The following SIGLECL1 variants were observed in gnomAD, a reference collection of about 807,000 sequenced individuals.
SIGLECL1 encodes the protein SIGLEC family like 1.
Under a neutral mutation model 19.1 loss-of-function variants are expected in SIGLECL1, and 16 were observed. The observed-to-expected ratio is 0.84, with a 90% confidence interval of 0.57 to 1.27. The LOEUF is 1.27. Among genes scored for constraint, SIGLECL1 ranks in the 50% most tolerant of loss-of-function variants. The pLI is 0.00. For synonymous variants in SIGLECL1, 89 were observed against 90.4 expected (o/e 0.98, Z 0.09); for missense variants, 210 against 239.4 (o/e 0.88, Z 0.81).
chr19:51,266,583 AC>A (rs1292944049), intron 4 of SIGLECL1, among the ~76,000 whole-genome samples: 1 of 152,072 alleles, frequency 6.6e-6, no homozygotes, highest in Non-Finnish European at 1.5e-5. Context: ...GGGATATCTA[AC>A]CTTTGTATGC....
chr19:51,266,855 T>C (rs969094204), intron 4 of SIGLECL1, among the ~76,000 whole-genome samples: 41 of 151,838 alleles, frequency 2.7e-4, no homozygotes, highest in Admixed American at 2.2e-3. Context: ...CATGGAAGAG[T>C]GCTAAGCTGT....
chr19:51,265,891 T>C lies in SIGLECL1; in HGVS notation c.410+9T>C, dbSNP rs10410689. On this transcript the variant is annotated intron_variant, in intron 4 of 5. Coordinates refer to ENST00000601727, the MANE Select transcript of SIGLECL1 (RefSeq NM_001385465.1). ...TGCCTCCTCCCTCTCATGTGAGTAC[T>C]AGGGTTAATATTCACCCGCAAGCCT... The C allele has an allele frequency of 0.12, 195,371 of 1,613,218 alleles. 20,861 individuals carry two copies. Among genetic ancestry groups the C allele is most frequent in the Admixed American group, 0.44 (26,216 of 59,974 alleles).
chr19:51,250,041 C>G (rs1290890165), upstream of SIGLECL1, among the ~76,000 whole-genome samples: 1 of 151,558 alleles, frequency 6.6e-6, no homozygotes, highest in African/African-American at 2.4e-5. Context: ...TACCAGAGGT[C>G]ACTCTCATTG....
chr19:51,254,129 G>C (rs1251056305), intron 1 of SIGLECL1, among the ~76,000 whole-genome samples: 1 of 151,972 alleles, frequency 6.6e-6, no homozygotes, highest in East Asian at 1.9e-4. Context: ...AACCAGCCTG[G>C]GCAATATAGC....
At chr19:51,252,662 A>AC (rs1982564684) in intron 1 of SIGLECL1, among the ~76,000 whole-genome samples, 1 of 152,182 alleles carries the variant, frequency 6.6e-6, no homozygotes, top group African/African-American at 2.4e-5. Context: ...AACGACCTGG[A>AC]AACTTGGGCG....
upstream of SIGLECL1, among the ~76,000 whole-genome samples, chr19:51,248,880 TC>T: frequency 6.6e-6 from 1 of 152,324 alleles, no homozygotes; most frequent in Admixed American, 6.5e-5. Flanking sequence ...GTTTCATTTT[TC>T]TAGGATATGA....
chr19:51,253,847 T>C (rs763897731), intron 1 of SIGLECL1, among the ~76,000 whole-genome samples: 4 of 152,164 alleles, frequency 2.6e-5, no homozygotes, highest in Non-Finnish European at 5.9e-5. Flanking sequence ...ATAGTACTTT[T>C]GTGGATCTCT....
chr19:51,250,890 C>T (rs1249693792), upstream of SIGLECL1, among the ~76,000 whole-genome samples: 1 of 152,220 alleles, frequency 6.6e-6, no homozygotes, highest in East Asian at 1.9e-4. Flanking sequence ...CACAATGCTT[C>T]TGCTTCATTG....
At chr19:51,254,011 G>T (rs952913022) in intron 1 of SIGLECL1, among the ~76,000 whole-genome samples, 1 of 152,184 alleles carries the variant, frequency 6.6e-6, no homozygotes, top group Non-Finnish European at 1.5e-5. Context: ...GTCATGGCAT[G>T]ATTCAGTCAT....
chr19:51,252,809 G>A (rs1419302976), intron 1 of SIGLECL1, among the ~76,000 whole-genome samples: 1 of 152,124 alleles, frequency 6.6e-6, no homozygotes, highest in Non-Finnish European at 1.5e-5. Context: ...CCAGAACTCT[G>A]GGAAGGGATT....
intron 5 of SIGLECL1, among the ~76,000 whole-genome samples, chr19:51,268,233 G>A (rs765720529): frequency 2.0e-5 from 3 of 152,146 alleles, no homozygotes; most frequent in Non-Finnish European, 2.9e-5. Flanking sequence ...TAGACTGGTC[G>A]AGAAGGCACC....
chr19:51,264,233 G>A, intron 2 of SIGLECL1, 139 bp downstream of exon 2: 1 of 895,894 alleles, frequency 1.1e-6, no homozygotes, highest in Non-Finnish European at 1.7e-6. Flanking sequence ...TAATCAACAT[G>A]AATTAGACAG....
chr19:51,258,044 C>A (rs182611409), intron 1 of SIGLECL1: 2 of 152,336 alleles, frequency 1.3e-5, no homozygotes, highest in Middle Eastern at 3.4e-3. Context: ...TGTATGTCTT[C>A]CCTTGGCTGA....
chr19:51,259,690 A>G (rs1237370647), intron 1 of SIGLECL1, among the ~76,000 whole-genome samples: 1 of 152,220 alleles, frequency 6.6e-6, no homozygotes, highest in East Asian at 1.9e-4. Context: ...GTCATGTTGG[A>G]AAAACACTGT....
upstream of SIGLECL1, chr19:51,250,985 A>T (rs139501010): frequency 6.6e-6 from 1 of 152,298 alleles, no homozygotes; most frequent in East Asian, 1.9e-4. Context: ...ACATAAGCCC[A>T]TGCAGCCTCT....
chr19:51,268,983 G>T lies in SIGLECL1; in HGVS notation c.*386G>T, dbSNP rs1217732358. The T allele has an allele frequency of 2.2e-5, 4 of 183,104 alleles. No homozygotes were observed. The highest frequency in any genetic ancestry group is 4.6e-5 in the Non-Finnish European group (4 of 87,020). 11.3% of individuals were successfully genotyped at this position (183,104 alleles called of 1,614,324 possible). A position where few individuals can be genotyped will look rare whatever the true frequency, so the allele number is the denominator to read the frequency against. On this transcript the variant is annotated 3_prime_UTR_variant, in exon 6 of 6. Transcript: ENST00000601727. ...CAGTGCCTGAGATACACCTACAAGA[G>T]CGCCAGGCTTTCAAGCCTTCATATC...
chr19:51,261,993 A>G (rs142667912), intron 1 of SIGLECL1, among the ~76,000 whole-genome samples: 1 of 152,136 alleles, frequency 6.6e-6, no homozygotes, highest in East Asian at 1.9e-4. Context: ...CAAACACTCC[A>G]CTCATGTACT....
rs546686362 is a variant in SIGLECL1 at position 51,267,424 on chromosome 19, A to G, written c.462A>G (p.Ala154=). The part of the protein sequence containing the change: ...KQAKKAAAIR[A]KKSSKVRASQ... Reference sequence around the variant, plus strand: ...CGAAGAAAGCTGCAGCGATCAGAGCAAAAAAGAGCTCTAAAGTCAGAGCAA... The same window carrying G: ...CGAAGAAAGCTGCAGCGATCAGAGCGAAAAAGAGCTCTAAAGTCAGAGCAA... Residue 154 remains alanine (A), a synonymous_variant, in exon 5 of 6, where the codon GCA becomes GCG. Coordinates refer to ENST00000601727, the MANE Select transcript of SIGLECL1 (RefSeq NM_001385465.1). The G allele has an allele frequency of 6.2e-7, 1 of 1,614,088 alleles. No individual in the cohort carries two copies. Among genetic ancestry groups the G allele is most frequent in the East Asian group, 2.2e-5 (1 of 44,892 alleles).
Position 51,267,398 on chromosome 19 carries a change from G to A in SIGLECL1, c.436G>A (p.Ala146Thr), listed in dbSNP as rs755244891. The A allele has an allele frequency of 6.2e-7, 1 of 1,613,406 alleles. No homozygotes were observed. The change falls in exon 5 of 6, where the codon GCG becomes ACG. Residue 146 changes from alanine (A) to threonine (T), a missense_variant. Ala to Thr is a moderately conservative substitution (Grantham distance 58). Coordinates refer to ENST00000601727, the MANE Select transcript of SIGLECL1 (RefSeq NM_001385465.1). ...AGTGAAACATATCAGAAAGAAGCAG[G>A]CGAAGAAAGCTGCAGCGATCAGAGC... ...LIVKHIRKKQ[A>T]KKAAAIRAKK...
Sources: gnomAD v4.1 joint callset for allele counts (sites outside exome capture counted in the v4.1 genomes callset) on GRCh38, gnomAD v4.1.1 for gene constraint, MANE v1.5 for transcripts, NCBI Gene and HGNC (gene_info 2026-07-23, HGNC 2026-07-21) for gene names.